Variants in NKAIN3 observed in about 807,000 individuals in gnomAD.
NKAIN3 encodes the protein sodium/potassium transporting ATPase interacting 3.
A neutral mutation model predicts 30.2 loss-of-function variants in NKAIN3; 25 were observed. The observed-to-expected ratio is 0.83, with a 90% confidence interval of 0.60 to 1.16. NKAIN3 has a LOEUF of 1.16. Ranked by LOEUF, NKAIN3 falls within the 50% of genes most tolerant of loss-of-function variation. NKAIN3 has a pLI of 0.00. For missense variants in NKAIN3, 225 were observed against 254.1 expected, an observed-to-expected ratio of 0.89 and a Z score of 0.78; for synonymous variants, 91 against 89.6, an observed-to-expected ratio of 1.02 and a Z score of -0.09.
At chr8:62,617,067 T>G (rs1333366230) in intron 3 of NKAIN3, among the ~76,000 whole-genome samples, 1 of 117,246 alleles carries the variant, frequency 8.5e-6, no homozygotes, top group East Asian at 3.1e-4. Flanking sequence ...TCCTGGCATG[T>G]GATGCACCTG....
At chr8:62,427,870 A>G (rs1804859415) in intron 1 of NKAIN3, among the ~76,000 whole-genome samples, 1 of 151,948 alleles carries the variant, frequency 6.6e-6, no homozygotes, top group Non-Finnish European at 1.5e-5. Flanking sequence ...TCTTCTAGCT[A>G]TGTTAAAATA....
chr8:62,500,502 AAAG>A (rs1807411992), intron 1 of NKAIN3, among the ~76,000 whole-genome samples: 1 of 151,468 alleles, frequency 6.6e-6, no homozygotes, highest in African/African-American at 2.4e-5. Context: ...AGAAAGAAAG[AAAG>A]AAGGAAAGAA....
intron 4 of NKAIN3, among the ~76,000 whole-genome samples, chr8:62,761,933 T>G (rs1816679054): frequency 6.6e-6 from 1 of 152,186 alleles, no homozygotes; most frequent in Non-Finnish European, 1.5e-5. Context: ...CCTCTAGATA[T>G]CTACTCCCCC....
intron 1 of NKAIN3, among the ~76,000 whole-genome samples, chr8:62,551,394 G>A (rs1809203935): frequency 6.6e-6 from 1 of 152,174 alleles, no homozygotes. Context: ...TGAAACATCA[G>A]TGCAATTGAA....
rs569557884 is a variant in NKAIN3, at chr8:62,728,374, A to T, written c.274-18558A>T. Among the ~76,000 whole-genome samples the T allele has an allele frequency of 3.5e-4, 53 of 152,240 alleles. 1 individual carries two copies. The highest frequency in any genetic ancestry group is 3.4e-3 in the Middle Eastern group (1 of 294). ...AATCCGGACTTCAATTAAATTAAAAACTCCATGGCCGGGTGCGGTGGCTCA... is the reference window on the plus strand; with the variant it reads ...AATCCGGACTTCAATTAAATTAAAATCTCCATGGCCGGGTGCGGTGGCTCA... On this transcript the variant is annotated intron_variant, in intron 3 of 6. Coordinates refer to ENST00000623646, the MANE Select transcript of NKAIN3 (RefSeq NM_001304533.3).
chr8:62,740,460 A>G (rs1325305651), intron 3 of NKAIN3, among the ~76,000 whole-genome samples: 1 of 152,178 alleles, frequency 6.6e-6, no homozygotes, highest in African/African-American at 2.4e-5. Context: ...CTAAGGAGAA[A>G]GGCAAAAAAA....
chr8:62,877,767 G>T (rs199744990), intron 4 of NKAIN3, among the ~76,000 whole-genome samples: 1 of 152,112 alleles, frequency 6.6e-6, no homozygotes, highest in Non-Finnish European at 1.5e-5. Flanking sequence ...CAGGCCAGGC[G>T]CAGTGGCTCA....
chr8:62,745,528 T>C (rs1816042146), intron 3 of NKAIN3, among the ~76,000 whole-genome samples: 3 of 152,178 alleles, frequency 2.0e-5, no homozygotes, highest in Admixed American at 2.0e-4. Flanking sequence ...GGTTGCAGTC[T>C]TTGGATTATT....
chr8:62,851,383 A>G (rs576973618), intron 4 of NKAIN3, among the ~76,000 whole-genome samples: 9 of 152,298 alleles, frequency 5.9e-5, no homozygotes, highest in African/African-American at 2.2e-4. Context: ...TTCTAGATAT[A>G]CAATCATGTC....
chr8:62,486,477 G>C (rs186317955), intron 1 of NKAIN3, among the ~76,000 whole-genome samples: 1 of 152,042 alleles, frequency 6.6e-6, no homozygotes, highest in Non-Finnish European at 1.5e-5. Flanking sequence ...TAATGTATTA[G>C]ATATTTGAAA....
At chr8:62,890,266 G>A (rs1563325) in intron 4 of NKAIN3, among the ~76,000 whole-genome samples, 31,814 of 152,110 alleles carry the variant, frequency 0.21, 3,951 homozygotes, top group East Asian at 0.54. Context: ...CTCTCTGATA[G>A]CAAATAAGTA....
intron 1 of NKAIN3, among the ~76,000 whole-genome samples, chr8:62,466,328 A>G (rs1433886100): frequency 6.6e-6 from 1 of 152,082 alleles, no homozygotes; most frequent in Non-Finnish European, 1.5e-5. Context: ...CCAATGACCA[A>G]TTTTTCTCCA....
chr8:62,737,659 G>A (rs1450165780), intron 3 of NKAIN3, among the ~76,000 whole-genome samples: 2 of 152,160 alleles, frequency 1.3e-5, no homozygotes, highest in East Asian at 1.9e-4. Context: ...CTTGTCTGCA[G>A]CTGATCTGAG....
intron 4 of NKAIN3, among the ~76,000 whole-genome samples, chr8:62,762,608 G>A (rs992635162): frequency 1.3e-5 from 2 of 152,160 alleles, no homozygotes; most frequent in African/African-American, 4.8e-5. Flanking sequence ...GGATTGGAGA[G>A]AACAAGGCTA....
intron 4 of NKAIN3, among the ~76,000 whole-genome samples, chr8:62,758,330 G>C (rs1036363246): frequency 2.6e-5 from 4 of 152,140 alleles, no homozygotes; most frequent in Admixed American, 6.5e-5. Flanking sequence ...TATAAGGTCT[G>C]TGGATTAGAT....
At chr8:62,393,306 T>C (rs2129594698) in intron 1 of NKAIN3, among the ~76,000 whole-genome samples, 1 of 152,128 alleles carries the variant, frequency 6.6e-6, no homozygotes, top group Admixed American at 6.5e-5. Context: ...GGTCAAAGTT[T>C]TTTTTCTATA....
At chr8:62,556,251 G>A (rs827710) in intron 1 of NKAIN3, among the ~76,000 whole-genome samples, 31,240 of 151,534 alleles carry the variant, frequency 0.21, 3,409 homozygotes, top group East Asian at 0.35. Context: ...ATTGTCTTTG[G>A]AAGAAGTAAA....
At chr8:62,670,668 A>G (rs1813271263) in intron 3 of NKAIN3, among the ~76,000 whole-genome samples, 1 of 152,102 alleles carries the variant, frequency 6.6e-6, no homozygotes, top group Non-Finnish European at 1.5e-5. Flanking sequence ...TCAGGTGCTC[A>G]CTAGAGAAGG....
chr8:62,534,707 A>G (rs1332102632), intron 1 of NKAIN3, among the ~76,000 whole-genome samples: 1 of 152,164 alleles, frequency 6.6e-6, no homozygotes, highest in Non-Finnish European at 1.5e-5. Flanking sequence ...TAACAGAATT[A>G]GAAGAATTTG....
Sources: allele counts gnomAD v4.1 joint callset (sites outside exome capture counted in the v4.1 genomes callset), GRCh38; gene constraint gnomAD v4.1.1; transcripts MANE v1.5; gene names NCBI Gene and HGNC (gene_info 2026-07-23, HGNC 2026-07-21).